Variants in SPMIP2 observed in about 807,000 individuals in gnomAD.
The protein encoded by SPMIP2 is sperm microtubule inner protein 2, also known as protein SPMIP2.
At chr4:158,986,617 T>C in the SPMIP2 span, among the ~76,000 whole-genome samples, 6 of 152,028 alleles carry the variant, frequency 3.9e-5, no homozygotes, top group African/African-American at 1.4e-4. Context: ...TTACACCTTA[T>C]ACAAAAATTA....
At chr4:158,984,606 C>T in the SPMIP2 span, among the ~76,000 whole-genome samples, 2 of 151,466 alleles carry the variant, frequency 1.3e-5, no homozygotes, top group Non-Finnish European at 2.9e-5. Context: ...CACAACATAC[C>T]AGAATCTCTG....
the SPMIP2 span, among the ~76,000 whole-genome samples, chr4:158,931,163 C>G: frequency 6.6e-6 from 1 of 151,794 alleles, no homozygotes; most frequent in Admixed American, 6.6e-5. Context: ...TATTCAAGTT[C>G]ACTGATTACT....
At chr4:158,948,707 A>G in the SPMIP2 span, among the ~76,000 whole-genome samples, 1 of 151,766 alleles carries the variant, frequency 6.6e-6, no homozygotes, top group Non-Finnish European at 1.5e-5. Flanking sequence ...CGATCTCCCA[A>G]ACTGAAGTGA....
the SPMIP2 span, among the ~76,000 whole-genome samples, chr4:158,953,066 T>C: frequency 6.6e-6 from 1 of 152,170 alleles, no homozygotes; most frequent in Admixed American, 6.5e-5. Flanking sequence ...TTTTCTGACA[T>C]GAAATTCAAG....
the SPMIP2 span, among the ~76,000 whole-genome samples, chr4:159,044,261 C>T: frequency 3.3e-5 from 5 of 149,324 alleles, no homozygotes; most frequent in Admixed American, 1.3e-4. Context: ...CCCACCTACT[C>T]GGGAGGCTGA....
At chr4:159,072,879 A>C in the SPMIP2 span, among the ~76,000 whole-genome samples, 2 of 152,214 alleles carry the variant, frequency 1.3e-5, no homozygotes, top group Admixed American at 1.3e-4. Context: ...AACATGGTGA[A>C]TTATGCTGGC....
chr4:159,058,070 G>C, the SPMIP2 span, among the ~76,000 whole-genome samples: 3 of 152,142 alleles, frequency 2.0e-5, no homozygotes, highest in East Asian at 3.9e-4. Flanking sequence ...ATGTTGCCCA[G>C]GCTGGTCTTG....
At chr4:158,933,841 A>C in the SPMIP2 span, among the ~76,000 whole-genome samples, 1 of 152,126 alleles carries the variant, frequency 6.6e-6, no homozygotes, top group Non-Finnish European at 1.5e-5. Flanking sequence ...AGGGAATAGT[A>C]TTTATATCCA....
chr4:158,912,454 G>A, the SPMIP2 span, among the ~76,000 whole-genome samples: 1 of 152,166 alleles, frequency 6.6e-6, no homozygotes, highest in Non-Finnish European at 1.5e-5. Flanking sequence ...AAGTCACCCA[G>A]TAACACAGAC....
chr4:158,959,815 A>G, the SPMIP2 span, among the ~76,000 whole-genome samples: 1 of 152,206 alleles, frequency 6.6e-6, no homozygotes, highest in Admixed American at 6.5e-5. Flanking sequence ...AGAAGCTGCC[A>G]TAAGATAATT....
chr4:158,948,303 A>G, the SPMIP2 span, among the ~76,000 whole-genome samples: 1 of 151,968 alleles, frequency 6.6e-6, no homozygotes, highest in African/African-American at 2.4e-5. Context: ...CTTGGGGGGA[A>G]AAAAAGCTTG....
chr4:159,015,689 A>T, the SPMIP2 span, among the ~76,000 whole-genome samples: 1 of 152,226 alleles, frequency 6.6e-6, no homozygotes, highest in Non-Finnish European at 1.5e-5. Context: ...TATAAATATG[A>T]ATAATATCAC....
At chr4:158,895,270 G>A in the SPMIP2 span, among the ~76,000 whole-genome samples, 1 of 152,144 alleles carries the variant, frequency 6.6e-6, no homozygotes, top group Non-Finnish European at 1.5e-5. Context: ...GAAATGTACT[G>A]GGCCAGAATA....
chr4:159,003,604 C>T, the SPMIP2 span, among the ~76,000 whole-genome samples: 1 of 152,118 alleles, frequency 6.6e-6, no homozygotes, highest in Non-Finnish European at 1.5e-5. Flanking sequence ...ATTCAATGAC[C>T]TCAACTACCC....
chr4:159,062,697 G>GTCTCTCTCTCTCTCTCTCTCTCTCTCTC, the SPMIP2 span, among the ~76,000 whole-genome samples: 7,490 of 94,502 alleles, frequency 0.079, 1,645 homozygotes, highest in East Asian at 0.2. Flanking sequence ...TTGAAACAGG[G>GTCTCTCTCTCTCTCTCTCTCTCTCTCTC]TCTCTCTCTC....
At chr4:159,062,032 G>C in the SPMIP2 span, among the ~76,000 whole-genome samples, 1 of 152,168 alleles carries the variant, frequency 6.6e-6, no homozygotes, top group Admixed American at 6.5e-5. Context: ...TTGTTTGCAG[G>C]AGCAATGAGT....
the SPMIP2 span, among the ~76,000 whole-genome samples, chr4:159,003,869 T>C: frequency 6.6e-6 from 1 of 152,012 alleles, no homozygotes; most frequent in African/African-American, 2.4e-5. Context: ...AAGGCAAAAA[T>C]AAGAATGCTC....
chr4:159,006,185 A>C, the SPMIP2 span, among the ~76,000 whole-genome samples: 1 of 152,236 alleles, frequency 6.6e-6, no homozygotes, highest in African/African-American at 2.4e-5. Flanking sequence ...ACAATACTTA[A>C]AGCTGGTGGA....
the SPMIP2 span, among the ~76,000 whole-genome samples, chr4:159,052,955 A>AT: frequency 0.017 from 2,293 of 131,966 alleles, 53 homozygotes; most frequent in East Asian, 0.074. Flanking sequence ...TATTATTATT[A>AT]TTTTTTTTTT....
Sources: allele counts gnomAD v4.1 joint callset (sites outside exome capture counted in the v4.1 genomes callset), GRCh38; gene constraint gnomAD v4.1.1; transcripts MANE v1.5; gene names NCBI Gene and HGNC (gene_info 2026-07-23, HGNC 2026-07-21).